EYS: variants seen among roughly 807,000 people sequenced by gnomAD.
EYS encodes the protein EGF-like photoreceptor maintenance factor, also known as protein eyes shut homolog.
Under a neutral mutation model 282.1 loss-of-function variants are expected in EYS, and 250 were observed. The ratio of observed to expected loss-of-function variants is 0.89; its 90% CI spans 0.80 to 0.98. The LOEUF (loss-of-function observed/expected upper bound fraction) is 0.98. Among genes scored for constraint, EYS ranks in the 50% least tolerant of loss-of-function variants. The pLI is 0.00. For synonymous variants in EYS, 1,355 were observed against 1,282.9 expected (o/e 1.06, Z -1.20); for missense variants, 4,016 against 3,709.0 (o/e 1.08, Z -2.15).
intron 12 of EYS, among the ~76,000 whole-genome samples, chr6:65,099,356 G>C (rs1198655167): frequency 6.6e-6 from 1 of 150,626 alleles, no homozygotes; most frequent in East Asian, 1.9e-4. Flanking sequence ...ATGTCATCAA[G>C]ATTACATATT....
chr6:63,771,399 A>G (rs1216546640), intron 40 of EYS, among the ~76,000 whole-genome samples: 2 of 152,198 alleles, frequency 1.3e-5, no homozygotes, highest in African/African-American at 2.4e-5. Context: ...TGGCCATGAT[A>G]TAAACCTCTT....
intron 2 of EYS, among the ~76,000 whole-genome samples, chr6:65,566,455 C>G (rs947232269): frequency 6.6e-6 from 1 of 152,074 alleles, no homozygotes; most frequent in Non-Finnish European, 1.5e-5. Context: ...AGGTAGGGCA[C>G]TCAATCTGTT....
chr6:64,498,101 T>C (rs917156655), intron 26 of EYS, among the ~76,000 whole-genome samples: 1 of 152,184 alleles, frequency 6.6e-6, no homozygotes, highest in Non-Finnish European at 1.5e-5. Context: ...GGAAGTTTTC[T>C]ACAATCTCTG....
rs1346385755 is a variant in EYS, at chr6:63,952,586, A to G, written c.7055+31797T>C. 3.3e-5 allele frequency among the ~76,000 whole-genome samples: 5 copies of G among 152,156 alleles called. 1 individual carries two copies. The highest frequency in any genetic ancestry group is 3.3e-4 in the Admixed American group (5 of 15,276). On this transcript the variant is annotated intron_variant, in intron 35 of 42. Transcript: ENST00000503581. ...CAACTCTGGTGCCAACTTGGACAAC[A>G]TTCTTTTATGCACTCCTTTTTAGTT...
intron 35 of EYS, among the ~76,000 whole-genome samples, chr6:63,902,506 A>C (rs1033255398): frequency 3.9e-5 from 6 of 152,150 alleles, no homozygotes; most frequent in African/African-American, 1.2e-4. Flanking sequence ...AAGAGAAAAT[A>C]AAATTGTATA....
At chr6:65,142,111 A>T (rs1764360623) in intron 12 of EYS, among the ~76,000 whole-genome samples, 1 of 152,052 alleles carries the variant, frequency 6.6e-6, no homozygotes. Context: ...ACTACCATCT[A>T]AGATGATGGG....
At chr6:63,996,694 ACT>A (rs1355743385) in intron 34 of EYS, among the ~76,000 whole-genome samples, 1 of 152,060 alleles carries the variant, frequency 6.6e-6, no homozygotes, top group Admixed American at 6.6e-5. Flanking sequence ...TGGGCAGGAA[ACT>A]CATCCTCGTG....
At chr6:64,209,467 A>G (rs189529099) in intron 31 of EYS, among the ~76,000 whole-genome samples, 3 of 152,324 alleles carry the variant, frequency 2.0e-5, no homozygotes, top group Admixed American at 2.0e-4. Context: ...TCATAACTGA[A>G]TATACAATTC....
At chr6:64,796,567 G>A (rs1048794759) in intron 22 of EYS, among the ~76,000 whole-genome samples, 2 of 152,092 alleles carry the variant, frequency 1.3e-5, no homozygotes, top group African/African-American at 4.8e-5. Flanking sequence ...ATGGACACCT[G>A]CTTCTAATTC....
At chr6:65,221,404 G>A (rs533718515) in intron 12 of EYS, among the ~76,000 whole-genome samples, 4 of 152,210 alleles carry the variant, frequency 2.6e-5, no homozygotes, top group Admixed American at 6.5e-5. Context: ...CTATGTCCCA[G>A]GTGTGGCTAA....
intron 29 of EYS, among the ~76,000 whole-genome samples, chr6:64,363,015 CA>C (rs1772068038): frequency 7.2e-6 from 1 of 138,386 alleles, no homozygotes; most frequent in Non-Finnish European, 1.5e-5. Flanking sequence ...TTTTTTTGTG[CA>C]GTGTGTGATC....
At chr6:65,637,771 C>T (rs1413939853) in intron 2 of EYS, among the ~76,000 whole-genome samples, 1 of 152,212 alleles carries the variant, frequency 6.6e-6, no homozygotes, top group African/African-American at 2.4e-5. Context: ...GCTGCCTCAG[C>T]CTCCTCCAGA....
intron 22 of EYS, among the ~76,000 whole-genome samples, chr6:64,743,644 A>T (rs1209138340): frequency 2.0e-5 from 3 of 152,150 alleles, no homozygotes; most frequent in Admixed American, 2.0e-4. Flanking sequence ...ATAACTTAGG[A>T]TATTTGTGAA....
intron 35 of EYS, among the ~76,000 whole-genome samples, chr6:63,925,347 A>G (rs1378437637): frequency 6.6e-6 from 1 of 152,246 alleles, no homozygotes; most frequent in East Asian, 1.9e-4. Context: ...AGGAAGTACT[A>G]CAGAAAATGA....
At chr6:64,185,072 A>G (rs1240576271) in intron 31 of EYS, among the ~76,000 whole-genome samples, 1 of 152,148 alleles carries the variant, frequency 6.6e-6, no homozygotes, top group Non-Finnish European at 1.5e-5. Flanking sequence ...ATGTGAGGTC[A>G]GTGAGAAGCC....
chr6:64,026,684 C>T (rs1769531746), intron 33 of EYS, among the ~76,000 whole-genome samples: 1 of 152,166 alleles, frequency 6.6e-6, no homozygotes, highest in Non-Finnish European at 1.5e-5. Flanking sequence ...CAGCTTACCC[C>T]CATATCCTAT....
At chr6:64,694,824 A>C (rs9351368) in intron 22 of EYS, among the ~76,000 whole-genome samples, 103,508 of 151,896 alleles carry the variant, frequency 0.68, 36,318 homozygotes, top group Middle Eastern at 0.78. Flanking sequence ...CAGGCAGCAA[A>C]TTTTTTGGCC....
intron 35 of EYS, among the ~76,000 whole-genome samples, chr6:63,915,792 A>G (rs1363978474): frequency 1.3e-5 from 2 of 152,182 alleles, no homozygotes; most frequent in African/African-American, 2.4e-5. Context: ...GTGGTGAAAA[A>G]GCAAGAGAAC....
chr6:64,520,897 A>G (rs1045704685), intron 26 of EYS, among the ~76,000 whole-genome samples: 1 of 151,752 alleles, frequency 6.6e-6, no homozygotes, highest in Non-Finnish European at 1.5e-5. Context: ...AAAGAGTCCA[A>G]TCCCAGAAAT....
Sources: allele counts gnomAD v4.1 joint callset (sites outside exome capture counted in the v4.1 genomes callset), GRCh38; gene constraint gnomAD v4.1.1; transcripts MANE v1.5; gene names NCBI Gene and HGNC (gene_info 2026-07-23, HGNC 2026-07-21).